FRMD4B: variants seen among roughly 807,000 people sequenced by gnomAD.
FRMD4B encodes FERM domain-containing protein 4B.
In FRMD4B, 74 loss-of-function variants were observed where a neutral mutation model predicts 141.5. The observed-to-expected ratio is 0.52, with a 90% CI of 0.43 to 0.63. The LOEUF is 0.63. Among genes scored for constraint, FRMD4B ranks in the 30% least tolerant of loss-of-function variants. FRMD4B has a pLI of 0.00. For synonymous variants in FRMD4B, 506 were observed against 467.9 expected (o/e 1.08, Z -1.05); for missense variants, 1,366 against 1,253.4 (o/e 1.09, Z -1.36).
intron 5 of FRMD4B, among the ~76,000 whole-genome samples, chr3:69,281,882 A>G (rs2093646648): frequency 6.6e-6 from 1 of 151,376 alleles, no homozygotes; most frequent in Non-Finnish European, 1.5e-5. Flanking sequence ...CACAAAAGTG[A>G]AAAATCTTTA....
At chr3:69,200,602 A>G in intron 11 of FRMD4B, 2 of 1,194,280 alleles carry the variant, frequency 1.7e-6, no homozygotes, top group Non-Finnish European at 2.1e-6. Flanking sequence ...AACTCTCCTG[A>G]GTGACACCTC....
chr3:69,435,454 G>A (rs2106846259), intron 1 of FRMD4B, among the ~76,000 whole-genome samples: 1 of 152,040 alleles, frequency 6.6e-6, no homozygotes, highest in Admixed American at 6.5e-5. Context: ...GTTAAATATA[G>A]CATGCTGCAT....
chr3:69,234,448 G>T (rs563549525), intron 7 of FRMD4B, among the ~76,000 whole-genome samples: 41 of 152,198 alleles, frequency 2.7e-4, no homozygotes, highest in African/African-American at 8.9e-4. Flanking sequence ...CCAAGACCTG[G>T]GTGATTAGCA....
intron 1 of FRMD4B, among the ~76,000 whole-genome samples, chr3:69,493,663 T>C (rs1706338956): frequency 6.6e-6 from 1 of 152,070 alleles, no homozygotes; most frequent in South Asian, 2.1e-4. Flanking sequence ...ATTGGCCTCT[T>C]GATTTGCTTA....
chr3:69,291,074 G>A (rs778839272), intron 4 of FRMD4B, among the ~76,000 whole-genome samples: 8 of 152,204 alleles, frequency 5.3e-5, no homozygotes, highest in Non-Finnish European at 1.0e-4. Context: ...AAAGACTTAC[G>A]TTGAAGGATT....
chr3:69,473,925 G>A (rs748981794), intron 1 of FRMD4B, among the ~76,000 whole-genome samples: 4 of 152,090 alleles, frequency 2.6e-5, no homozygotes, highest in African/African-American at 9.7e-5. Context: ...TTGCGCTTAG[G>A]CTGCCCAGGC....
intron 2 of FRMD4B, among the ~76,000 whole-genome samples, chr3:69,420,746 G>A (rs1424725526): frequency 6.6e-6 from 1 of 152,142 alleles, no homozygotes; most frequent in Non-Finnish European, 1.5e-5. Flanking sequence ...GATTTAAGTG[G>A]GTAGTCTACT....
intron 1 of FRMD4B, among the ~76,000 whole-genome samples, chr3:69,365,492 A>G (rs1703610577): frequency 6.6e-6 from 1 of 150,960 alleles, no homozygotes. Context: ...TAGCATAAAT[A>G]GATACAACCT....
At position 69,363,264 on chromosome 3, in the gene FRMD4B, T is replaced by TTTTTTTTTA. The variant is rs1553730501; in HGVS notation, c.162+22563_162+22564insTAAAAAAAA. Among the ~76,000 whole-genome samples, 54 of 150,636 alleles carry TTTTTTTTTA rather than the reference T, an allele frequency of 3.6e-4. 1 individual carries two copies. Among genetic ancestry groups the TTTTTTTTTA allele is most frequent in the African/African-American group, 1.2e-3 (50 of 40,804 alleles). On this transcript the variant is annotated intron_variant, in intron 1 of 22. Transcript: ENST00000398540. ...TTTTACCATGTTTTTTTTTTTTTTT[T>TTTTTTTTTA]AAATAGAGATGGGTCTTGCCATGTT...
At chr3:69,223,767 T>G (rs2093221734) in intron 8 of FRMD4B, among the ~76,000 whole-genome samples, 1 of 152,100 alleles carries the variant, frequency 6.6e-6, no homozygotes, top group Non-Finnish European at 1.5e-5. Flanking sequence ...TGAACCAGGT[T>G]GCAGTGAGCT....
chr3:69,187,169 T>C (rs558713771), intron 19 of FRMD4B, among the ~76,000 whole-genome samples: 66 of 152,272 alleles, frequency 4.3e-4, no homozygotes, highest in African/African-American at 1.6e-3. Context: ...ATCCAGATGA[T>C]AATTAATGTC....
intron 1 of FRMD4B, among the ~76,000 whole-genome samples, chr3:69,523,578 G>A (rs757508486): frequency 5.3e-5 from 8 of 152,156 alleles, no homozygotes; most frequent in Non-Finnish European, 5.9e-5. Context: ...GAATTGGAAA[G>A]GCAAAAGACT....
At position 69,169,353 on chromosome 3, in the gene FRMD4B, C is replaced by CTTCCTTTTTT. The variant is rs1553691418; in HGVS notation, c.*2507_*2508insAAAAAAGGAA. 2.0e-4 allele frequency among the ~76,000 whole-genome samples: 6 copies of CTTCCTTTTTT among 29,286 alleles called. 3 individuals are homozygous for CTTCCTTTTTT. The allele number at this position is 29,286 out of a possible 152,430, so 19.2% of individuals were successfully genotyped here. A position where few individuals can be genotyped will look rare whatever the true frequency, so the allele number is the denominator to read the frequency against. On this transcript the variant is annotated 3_prime_UTR_variant, in exon 23 of 23. Transcript: ENST00000398540. ...AGGATTGCTGAACTTCCATTTCTTT[C>CTTCCTTTTTT]TTTTTTTTTTTTTTTTTTTTTTCTT...
intron 2 of FRMD4B, among the ~76,000 whole-genome samples, chr3:69,431,671 A>C (rs1249975928): frequency 2.0e-5 from 3 of 152,150 alleles, no homozygotes; most frequent in Non-Finnish European, 2.9e-5. Flanking sequence ...AGGCAAAGGG[A>C]GATTAATCAT....
intron 11 of FRMD4B, chr3:69,198,993 G>C (rs889483300): frequency 4.1e-6 from 2 of 492,876 alleles, no homozygotes; most frequent in African/African-American, 2.0e-5. Context: ...CACCTCGGCC[G>C]GGCGCGGTGG....
In FRMD4B at chr3:69,185,920, T is replaced by C. The variant is rs537865724; in HGVS notation, c.1919+1850A>G. 9.2e-5 allele frequency among the ~76,000 whole-genome samples: 14 copies of C among 151,842 alleles called. No individual in the cohort carries two copies. The East Asian group carries it at 2.7e-3, about 30-fold the overall frequency. ...TGCCGGGTGTGGTGGCGGGCATCTG[T>C]AGTCCCAGCTACTTGGAAGGCTGAG... On this transcript the variant is annotated intron_variant, in intron 19 of 22. Coordinates refer to ENST00000398540, the MANE Select transcript of FRMD4B (RefSeq NM_015123.3).
intron 1 of FRMD4B, among the ~76,000 whole-genome samples, chr3:69,456,627 C>T (rs1265303119): frequency 6.6e-6 from 1 of 151,360 alleles, no homozygotes; most frequent in Non-Finnish European, 1.5e-5. Context: ...CCTTGTCTGT[C>T]TTGTTCGCCA....
chr3:69,191,737 C>T (rs1255135348), intron 17 of FRMD4B, among the ~76,000 whole-genome samples: 1 of 152,160 alleles, frequency 6.6e-6, no homozygotes, highest in East Asian at 1.9e-4. Flanking sequence ...TTGAATTTTG[C>T]ACAGTTTGAG....
At chr3:69,368,274 C>G (rs1703724979) in intron 1 of FRMD4B, among the ~76,000 whole-genome samples, 1 of 152,154 alleles carries the variant, frequency 6.6e-6, no homozygotes, top group Non-Finnish European at 1.5e-5. Flanking sequence ...GGACGTGGGC[C>G]AGCATTGGAA....
Sources: allele counts gnomAD v4.1 joint callset (sites outside exome capture counted in the v4.1 genomes callset), GRCh38; gene constraint gnomAD v4.1.1; transcripts MANE v1.5; gene names NCBI Gene and HGNC (gene_info 2026-07-23, HGNC 2026-07-21).